The following KLHL1 variants were observed in gnomAD, a reference collection of about 807,000 sequenced individuals.
KLHL1 encodes the protein kelch like family member 1, also known as kelch-like protein 1.
A neutral mutation model predicts 77.7 loss-of-function variants in KLHL1; 47 were observed. The observed-to-expected ratio is 0.60, with a 90% CI of 0.48 to 0.77. The LOEUF is 0.77. Among genes scored for constraint, KLHL1 ranks in the 30% least tolerant of loss-of-function variants. The pLI is 0.00. For missense variants in KLHL1, 925 were observed against 910.8 expected (o/e 1.02, Z -0.20); for synonymous variants, 360 against 325.2 (o/e 1.11, Z -1.15).
intron 1 of KLHL1, among the ~76,000 whole-genome samples, chr13:70,098,830 T>C (rs2137451698): frequency 6.6e-6 from 1 of 151,966 alleles, no homozygotes; most frequent in Non-Finnish European, 1.5e-5. Flanking sequence ...TGATCATCTC[T>C]TCTTACATTT....
At chr13:69,906,860 G>C (rs1882062638) in intron 4 of KLHL1, among the ~76,000 whole-genome samples, 1 of 151,902 alleles carries the variant, frequency 6.6e-6, no homozygotes, top group Non-Finnish European at 1.5e-5. Flanking sequence ...AAAAAATATA[G>C]TTTCAATTTT....
At chr13:69,751,511 T>C (rs1245194485) in intron 7 of KLHL1, among the ~76,000 whole-genome samples, 3 of 152,174 alleles carry the variant, frequency 2.0e-5, no homozygotes, top group South Asian at 2.1e-4. Context: ...TGAGGAATTC[T>C]TGGCAGAAGA....
At chr13:69,940,008 G>A (rs1248027261) in intron 4 of KLHL1, 32 bp downstream of exon 4, 1 of 1,496,460 alleles carries the variant, frequency 6.7e-7, no homozygotes, top group South Asian at 1.2e-5. Context: ...CACAGAGTGT[G>A]TCTCCATTAT....
chr13:69,778,931 T>C (rs1875979613), intron 7 of KLHL1, among the ~76,000 whole-genome samples: 1 of 151,548 alleles, frequency 6.6e-6, no homozygotes. Flanking sequence ...CCCGAGTAGT[T>C]GGGACTACAG....
At chr13:69,834,265 G>A (rs138313695) in intron 6 of KLHL1, among the ~76,000 whole-genome samples, 2 of 151,582 alleles carry the variant, frequency 1.3e-5, no homozygotes, top group East Asian at 3.9e-4. Flanking sequence ...CATAAATTGG[G>A]GGGAGAAAAA....
intron 1 of KLHL1, among the ~76,000 whole-genome samples, chr13:70,002,992 T>C (rs1222339826): frequency 6.6e-6 from 1 of 151,664 alleles, no homozygotes; most frequent in Non-Finnish European, 1.5e-5. Context: ...TATATTGAGC[T>C]TGTAGATATG....
At chr13:69,888,068 A>C (rs1271864902) in intron 4 of KLHL1, among the ~76,000 whole-genome samples, 1 of 152,144 alleles carries the variant, frequency 6.6e-6, no homozygotes. Flanking sequence ...AAAGTCCAAC[A>C]TCAAGGCACC....
intron 1 of KLHL1, among the ~76,000 whole-genome samples, chr13:70,011,408 C>G (rs1240108766): frequency 1.3e-5 from 2 of 152,104 alleles, no homozygotes; most frequent in Admixed American, 6.6e-5. Context: ...GATAGTAACT[C>G]ATTTTGAGTA....
intron 4 of KLHL1, among the ~76,000 whole-genome samples, chr13:69,912,116 G>C (rs944544379): frequency 5.3e-5 from 8 of 152,050 alleles, no homozygotes; most frequent in African/African-American, 1.4e-4. Flanking sequence ...GAAAAATGAG[G>C]GGAGAAAGCT....
intron 5 of KLHL1, among the ~76,000 whole-genome samples, chr13:69,859,920 T>C (rs913746329): frequency 6.6e-6 from 1 of 151,984 alleles, no homozygotes; most frequent in African/African-American, 2.4e-5. Context: ...TCAGGAATAA[T>C]AGAAGAAATT....
chr13:69,840,348 T>G (rs1879196925), intron 5 of KLHL1, among the ~76,000 whole-genome samples: 1 of 151,856 alleles, frequency 6.6e-6, no homozygotes, highest in Non-Finnish European at 1.5e-5. Flanking sequence ...CTCAGTCTCC[T>G]GAGTAGTTGG....
chr13:69,933,803 A>G (rs184779231), intron 4 of KLHL1, among the ~76,000 whole-genome samples: 121 of 152,128 alleles, frequency 8.0e-4, no homozygotes, highest in Non-Finnish European at 1.0e-4. Flanking sequence ...AGGGGGAAAA[A>G]AAAATACTTG....
intron 4 of KLHL1, among the ~76,000 whole-genome samples, chr13:69,884,881 T>C (rs919622609): frequency 2.1e-4 from 32 of 152,036 alleles, no homozygotes; most frequent in Non-Finnish European, 3.8e-4. Flanking sequence ...TTTGATTTCT[T>C]TTTCAGACAG....
chr13:70,035,726 T>C (rs969924590), intron 1 of KLHL1, among the ~76,000 whole-genome samples: 18 of 152,088 alleles, frequency 1.2e-4, no homozygotes, highest in African/African-American at 4.1e-4. Context: ...AGTTTACTGA[T>C]GGAAGGGCAA....
chr13:69,828,768 C>A (rs1238696356), intron 6 of KLHL1, among the ~76,000 whole-genome samples: 1 of 150,052 alleles, frequency 6.7e-6, no homozygotes, highest in Non-Finnish European at 1.5e-5. Context: ...CTGGGTGAGG[C>A]CTGTCATTGC....
At chr13:70,064,310 G>T (rs1289093827) in intron 1 of KLHL1, among the ~76,000 whole-genome samples, 1 of 152,090 alleles carries the variant, frequency 6.6e-6, no homozygotes, top group Non-Finnish European at 1.5e-5. Context: ...ACAAATTTTT[G>T]AAATGGGTTA....
chr13:70,077,441 T>C (rs1027676194), intron 1 of KLHL1, among the ~76,000 whole-genome samples: 9 of 151,846 alleles, frequency 5.9e-5, no homozygotes, highest in African/African-American at 2.2e-4. Flanking sequence ...AATTAGTCGT[T>C]GAAGAGTTTG....
At chr13:69,843,116 C>G (rs1879330991) in intron 5 of KLHL1, among the ~76,000 whole-genome samples, 1 of 151,466 alleles carries the variant, frequency 6.6e-6, no homozygotes, top group Non-Finnish European at 1.5e-5. Flanking sequence ...GGATTAAATT[C>G]AATGTATGAT....
At chr13:70,024,484 C>T (rs1395660777) in intron 1 of KLHL1, among the ~76,000 whole-genome samples, 1 of 151,788 alleles carries the variant, frequency 6.6e-6, no homozygotes, top group African/African-American at 2.4e-5. Flanking sequence ...GTCCCCCTTG[C>T]TCTGCTTTGC....
Sources: gnomAD v4.1 joint callset for allele counts (sites outside exome capture counted in the v4.1 genomes callset) on GRCh38, gnomAD v4.1.1 for gene constraint, MANE v1.5 for transcripts, NCBI Gene and HGNC (gene_info 2026-07-23, HGNC 2026-07-21) for gene names.